Variants in MYH15 observed in about 807,000 individuals in gnomAD.
MYH15 encodes myosin-15.
Under a neutral mutation model 240.5 loss-of-function variants are expected in MYH15, and 227 were observed. The ratio of observed to expected loss-of-function variants is 0.94; its 90% confidence interval spans 0.85 to 1.05. MYH15 has a LOEUF of 1.05. Among genes scored for constraint, MYH15 ranks in the 50% least tolerant of loss-of-function variants. MYH15 has a pLI of 0.00. For synonymous variants in MYH15, 785 were observed against 796.7 expected (o/e 0.99, Z 0.25); for missense variants, 2,217 against 2,247.5 (o/e 0.99, Z 0.27).
the MYH15 span, among the ~76,000 whole-genome samples, chr3:108,535,672 T>C: frequency 8.5e-5 from 13 of 152,256 alleles, no homozygotes; most frequent in South Asian, 2.7e-3. Context: ...TCTAACAATG[T>C]GAGAGCCTAG....
At chr3:108,397,635 C>T (rs1366104460) in intron 35 of MYH15, among the ~76,000 whole-genome samples, 1 of 152,074 alleles carries the variant, frequency 6.6e-6, no homozygotes, top group Non-Finnish European at 1.5e-5. Context: ...GATGTTTGTC[C>T]TAGAAACTAT....
chr3:108,455,298 G>A (rs2083009160), intron 20 of MYH15, among the ~76,000 whole-genome samples: 1 of 152,154 alleles, frequency 6.6e-6, no homozygotes, highest in Non-Finnish European at 1.5e-5. Flanking sequence ...TTTTTTGATA[G>A]TGGGTTAACT....
At chr3:108,460,032 T>C (rs188699380) in intron 17 of MYH15, among the ~76,000 whole-genome samples, 184 of 152,286 alleles carry the variant, frequency 1.2e-3, no homozygotes, top group Non-Finnish European at 2.3e-3. Flanking sequence ...GTTTCCCCTT[T>C]GGCTAAGTGC....
At chr3:108,478,919 T>C (rs557224160) in intron 11 of MYH15, among the ~76,000 whole-genome samples, 1 of 152,306 alleles carries the variant, frequency 6.6e-6, no homozygotes, top group South Asian at 2.1e-4. Context: ...TACAGGATTA[T>C]TTGTCACTTA....
chr3:108,449,458 A>G (rs553016701), intron 21 of MYH15, among the ~76,000 whole-genome samples: 12 of 152,220 alleles, frequency 7.9e-5, no homozygotes, highest in African/African-American at 2.6e-4. Flanking sequence ...TTGATCTTCA[A>G]TAAAGTTGCC....
At chr3:108,506,737 C>T (rs1261757842) in intron 1 of MYH15, among the ~76,000 whole-genome samples, 3 of 152,050 alleles carry the variant, frequency 2.0e-5, no homozygotes, top group African/African-American at 4.8e-5. Flanking sequence ...CCTGTCTCTA[C>T]AAAAAACAAA....
rs191389759 is a variant in MYH15 at position 108,418,378 on chromosome 3, C to T, written c.3830-1448G>A. Among the ~76,000 whole-genome samples, 301 of 152,250 alleles carry T rather than the reference C, an allele frequency of 2.0e-3. 1 individual carries two copies. Among genetic ancestry groups the T allele is most frequent in the African/African-American group, 6.0e-3 (249 of 41,550 alleles). On this transcript the variant is annotated intron_variant, in intron 28 of 40. Transcript: ENST00000693548. The stretch of plus-strand genomic sequence containing the variant: ...AAGTGAAACTGACTTTTTAAAAAAC[C>T]GTGAGTACATATTAGCGAATACAAT...
At chr3:108,533,535 T>C (rs1576286456), upstream of MYH15, among the ~76,000 whole-genome samples, 2 of 152,292 alleles carry the variant, frequency 1.3e-5, no homozygotes, top group East Asian at 3.9e-4. Flanking sequence ...ATACAAATAT[T>C]GGTTATGATG....
At chr3:108,485,527 T>C (rs1004645537) in intron 10 of MYH15, among the ~76,000 whole-genome samples, 14 of 152,234 alleles carry the variant, frequency 9.2e-5, no homozygotes, top group Non-Finnish European at 1.2e-4. Context: ...TAACTGGCTA[T>C]ATGAGGTCAA....
At chr3:108,381,658 A>G in intron 40 of MYH15, 99 bp from the exon 41 acceptor site, 1 of 1,338,260 alleles carries the variant, frequency 7.5e-7, no homozygotes, top group African/African-American at 1.4e-5. Context: ...AGAGGTAAGC[A>G]GGCCTTAGCC....
chr3:108,467,582 T>C (rs1169565953), intron 14 of MYH15, among the ~76,000 whole-genome samples: 1 of 152,106 alleles, frequency 6.6e-6, no homozygotes, highest in Non-Finnish European at 1.5e-5. Context: ...TCTATCCTAA[T>C]CCCAATATCG....
chr3:108,387,374 C>T (rs1031665093), intron 38 of MYH15, among the ~76,000 whole-genome samples: 4 of 152,036 alleles, frequency 2.6e-5, no homozygotes, highest in Non-Finnish European at 4.4e-5. Flanking sequence ...GATTTGATGG[C>T]AGAAAATAGG....
chr3:108,443,663 T>C (rs2082902383), intron 22 of MYH15, among the ~76,000 whole-genome samples: 1 of 152,022 alleles, frequency 6.6e-6, no homozygotes, highest in Non-Finnish European at 1.5e-5. Flanking sequence ...GAGGCTTGAA[T>C]GCCAAAACCA....
chr3:108,451,979 G>T (rs1361047567), intron 21 of MYH15, among the ~76,000 whole-genome samples: 1 of 90,110 alleles, frequency 1.1e-5, no homozygotes, highest in Admixed American at 1.4e-4. Flanking sequence ...CATATAATAA[G>T]TCATTTCTAC....
intron 11 of MYH15, among the ~76,000 whole-genome samples, chr3:108,483,006 CA>C (rs2083278410): frequency 6.6e-6 from 1 of 151,928 alleles, no homozygotes; most frequent in Admixed American, 6.6e-5. Flanking sequence ...CCAGCCTGGC[CA>C]ACACGGCAAA....
At chr3:108,406,776 G>C (rs943582361) in intron 32 of MYH15, among the ~76,000 whole-genome samples, 2 of 152,164 alleles carry the variant, frequency 1.3e-5, no homozygotes, top group Non-Finnish European at 2.9e-5. Context: ...CCATCTAGTG[G>C]TACTAAGTGG....
chr3:108,540,021 AT>A, the MYH15 span, among the ~76,000 whole-genome samples: 1 of 152,212 alleles, frequency 6.6e-6, no homozygotes, highest in Non-Finnish European at 1.5e-5. Context: ...TATCTCACTT[AT>A]ATCCATGTGA....
intron 25 of MYH15, among the ~76,000 whole-genome samples, chr3:108,431,213 TAATTCATTCTCA>T (rs2082776566): frequency 6.6e-6 from 1 of 152,228 alleles, no homozygotes; most frequent in African/African-American, 2.4e-5. Flanking sequence ...TATAACACAA[TAATTCATTCTCA>T]TTTTAAAACT....
At chr3:108,530,599 C>T (rs926460172), upstream of MYH15, among the ~76,000 whole-genome samples, 1 of 152,048 alleles carries the variant, frequency 6.6e-6, no homozygotes, top group Non-Finnish European at 1.5e-5. Flanking sequence ...AATGTGTCAA[C>T]GTAGGTTCAT....
Sources: allele counts gnomAD v4.1 joint callset (sites outside exome capture counted in the v4.1 genomes callset), GRCh38; gene constraint gnomAD v4.1.1; transcripts MANE v1.5; gene names NCBI Gene and HGNC (gene_info 2026-07-23, HGNC 2026-07-21).